Variants in MPPED1 observed in about 807,000 individuals in gnomAD.
The protein encoded by MPPED1 is metallophosphoesterase domain-containing protein 1.
A neutral mutation model predicts 36.2 loss-of-function variants in MPPED1; 16 were observed. The observed-to-expected ratio is 0.44, with a 90% CI of 0.30 to 0.67. The LOEUF (loss-of-function observed/expected upper bound fraction) is 0.67, where lower values mean the gene tolerates loss of function less well. MPPED1 is among the 30% of genes least tolerant of loss of function. The probability of loss-of-function intolerance (pLI) is 0.10; values close to 1 mark genes in which losing one functional copy is unlikely to be tolerated. For synonymous variants in MPPED1, 199 were observed against 191.3 expected, an observed-to-expected ratio of 1.04 and a Z score of -0.33; for missense variants, 307 against 453.4, an observed-to-expected ratio of 0.68 and a Z score of 2.93.
At chr22:43,486,528 G>C (rs1931917182) in intron 4 of MPPED1, among the ~76,000 whole-genome samples, 3 of 152,138 alleles carry the variant, frequency 2.0e-5, no homozygotes, top group South Asian at 4.1e-4. Flanking sequence ...TCACACCCCT[G>C]CTTGGAGCTG....
chr22:43,444,991 C>T (rs1311331644), intron 3 of MPPED1, among the ~76,000 whole-genome samples: 1 of 152,132 alleles, frequency 6.6e-6, no homozygotes, highest in Non-Finnish European at 1.5e-5. Context: ...CCTAGAATTC[C>T]AGTACCCAGT....
intron 2 of MPPED1, among the ~76,000 whole-genome samples, chr22:43,432,811 GGAGAGAGAGAGAAAGGGAGGA>G (rs1601954072): frequency 1.5e-3 from 62 of 41,404 alleles, no homozygotes; most frequent in South Asian, 0.013. Flanking sequence ...GAGAAAGGGA[GGAGAGAGAGAGAAAGGGAGGA>G]GAGAGAGAGA....
intron 3 of MPPED1, among the ~76,000 whole-genome samples, chr22:43,455,267 G>C (rs1930715486): frequency 6.6e-6 from 1 of 151,850 alleles, no homozygotes; most frequent in African/African-American, 2.4e-5. Flanking sequence ...CCACTACCGT[G>C]CCCAGCTAAT....
In MPPED1 at chr22:43,500,122, TGATGGAGGTGGTAATGGA is replaced by T. The variant is rs1369834366; in HGVS notation, c.748+1774_748+1791del. 3.8e-4 allele frequency among the ~76,000 whole-genome samples: 41 copies of T among 108,170 alleles called. 4 individuals are homozygous for T. The highest frequency in any genetic ancestry group is 1.5e-3 in the African/African-American group (37 of 25,272). The allele number at this position is 108,170 out of a possible 152,430, so 71.0% of individuals were successfully genotyped here. Reference sequence around the variant, plus strand: ...GTGGTAGTGGGGGTGATGAAGGTGGTGATGGAGGTGGTAATGGAGGTGGTGGGGGTGGTGGTGGTGATG... The same window carrying T: ...GTGGTAGTGGGGGTGATGAAGGTGGTGGTGGTGGGGGTGGTGGTGGTGATG... On this transcript the variant is annotated intron_variant, in intron 5 of 6. Transcript: ENST00000443721.
chr22:43,486,850 C>T (rs960648459), intron 4 of MPPED1, among the ~76,000 whole-genome samples: 12 of 152,022 alleles, frequency 7.9e-5, no homozygotes, highest in African/African-American at 2.9e-4. Flanking sequence ...AAAATGGACA[C>T]GTAAGTCTCC....
chr22:43,420,809 T>C (rs1157977294), intron 1 of MPPED1, among the ~76,000 whole-genome samples: 1 of 152,224 alleles, frequency 6.6e-6, no homozygotes, highest in East Asian at 1.9e-4. Flanking sequence ...TAATTCTTTG[T>C]TTACTTTATT....
At chr22:43,422,017 A>T (rs1050878845) in intron 1 of MPPED1, among the ~76,000 whole-genome samples, 1 of 152,130 alleles carries the variant, frequency 6.6e-6, no homozygotes. Context: ...CGGAGCTGAC[A>T]CATGGGGTGC....
intron 1 of MPPED1, among the ~76,000 whole-genome samples, chr22:43,414,754 G>A (rs1929019102): frequency 6.6e-6 from 1 of 152,104 alleles, no homozygotes; most frequent in Non-Finnish European, 1.5e-5. Flanking sequence ...GAACAAAAAA[G>A]GGTCTTTTCA....
chr22:43,440,827 G>T (rs570250790), intron 3 of MPPED1, among the ~76,000 whole-genome samples: 1 of 152,278 alleles, frequency 6.6e-6, no homozygotes, highest in Admixed American at 6.5e-5. Context: ...CCTCCCCTCA[G>T]CTCTGCGGCG....
intron 5 of MPPED1, among the ~76,000 whole-genome samples, chr22:43,498,556 G>C (rs1477508453): frequency 6.6e-6 from 1 of 151,944 alleles, no homozygotes; most frequent in Non-Finnish European, 1.5e-5. Flanking sequence ...GTTATCTTGT[G>C]GGCTCCTCAC....
At position 43,424,587 on chromosome 22, in the gene MPPED1, C is replaced by A. The variant is rs568991893; in HGVS notation, c.-78-321C>A. On this transcript the variant is annotated intron_variant, in intron 1 of 6. Coordinates refer to ENST00000443721, the MANE Select transcript of MPPED1 (RefSeq NM_001044370.2). ...CCAGCTCACTGTCACCCTGTAGGCTCGGGAGGATTTTGTTGAAGGAAAAAA... is the reference window on the plus strand; with the variant it reads ...CCAGCTCACTGTCACCCTGTAGGCTAGGGAGGATTTTGTTGAAGGAAAAAA... Among the ~76,000 whole-genome samples the A allele has an allele frequency of 3.3e-5, 5 of 151,734 alleles. No homozygotes were observed. In the East Asian group the frequency reaches 9.7e-4, roughly 29 times the overall value.
At chr22:43,504,011 G>A (rs138135544) in intron 6 of MPPED1, among the ~76,000 whole-genome samples, 3 of 152,284 alleles carry the variant, frequency 2.0e-5, no homozygotes, top group African/African-American at 7.2e-5. Flanking sequence ...GGGTATGAGG[G>A]AGGCAGAGAA....
chr22:43,487,136 C>T (rs1409336203), intron 4 of MPPED1, among the ~76,000 whole-genome samples: 7 of 152,076 alleles, frequency 4.6e-5, no homozygotes, highest in Non-Finnish European at 1.0e-4. Context: ...CTGAAGCCGG[C>T]CTGGGCAGGA....
chr22:43,456,397 G>C, intron 3 of MPPED1, among the ~76,000 whole-genome samples: 1 of 152,218 alleles, frequency 6.6e-6, no homozygotes, highest in East Asian at 1.9e-4. Flanking sequence ...AAATAGCTGG[G>C]ACTGCAGGTG....
chr22:43,448,269 G>T (rs1930433754), intron 3 of MPPED1, among the ~76,000 whole-genome samples: 1 of 152,196 alleles, frequency 6.6e-6, no homozygotes, highest in Admixed American at 6.5e-5. Flanking sequence ...GTATATCTGT[G>T]CTGTCCAGTG....
At chr22:43,489,308 G>T (rs533042133) in intron 4 of MPPED1, among the ~76,000 whole-genome samples, 1 of 152,030 alleles carries the variant, frequency 6.6e-6, no homozygotes, top group Non-Finnish European at 1.5e-5. Context: ...ACAGGAGGCC[G>T]GGGGCTGTCC....
At chr22:43,432,373 GAA>G (rs1297625983) in intron 2 of MPPED1, among the ~76,000 whole-genome samples, 2 of 121,106 alleles carry the variant, frequency 1.7e-5, no homozygotes, top group African/African-American at 7.5e-5. Flanking sequence ...AAGGGAGAGA[GAA>G]AGGGAGGAGA....
intron 1 of MPPED1, among the ~76,000 whole-genome samples, chr22:43,414,192 A>G (rs1202968702): frequency 2.0e-5 from 3 of 152,242 alleles, no homozygotes; most frequent in Non-Finnish European, 2.9e-5. Flanking sequence ...CCTGCTTTTA[A>G]TAAATTCCCA....
intron 3 of MPPED1, among the ~76,000 whole-genome samples, chr22:43,471,941 G>A (rs1931391666): frequency 6.6e-6 from 1 of 151,590 alleles, no homozygotes; most frequent in African/African-American, 2.4e-5. Flanking sequence ...CAGCCTGACT[G>A]GAAGAACCTC....
Sources: gnomAD v4.1 joint callset for allele counts (sites outside exome capture counted in the v4.1 genomes callset) on GRCh38, gnomAD v4.1.1 for gene constraint, MANE v1.5 for transcripts, NCBI Gene and HGNC (gene_info 2026-07-23, HGNC 2026-07-21) for gene names.